The following KCNA2 variants were observed in gnomAD, a reference collection of about 807,000 sequenced individuals.
KCNA2 encodes potassium voltage-gated channel subfamily A member 2.
A neutral mutation model predicts 33.4 loss-of-function variants in KCNA2; 11 were observed. The observed-to-expected ratio is 0.33, with a 90% CI of 0.21 to 0.55. KCNA2 has a LOEUF of 0.55. Among genes scored for constraint, KCNA2 ranks in the 20% least tolerant of loss-of-function variants. The pLI is 0.93. For synonymous variants in KCNA2, 222 were observed against 231.3 expected, an observed-to-expected ratio of 0.96 and a Z score of 0.37; for missense variants, 291 against 621.6, an observed-to-expected ratio of 0.47 and a Z score of 5.66.
chr1:110,606,362 C>A (rs1410157271), upstream of KCNA2: 1 of 152,236 alleles, frequency 6.6e-6, no homozygotes, highest in Non-Finnish European at 1.5e-5. Context: ...ACAGAATAAA[C>A]GCTCCGCCTG....
chr1:110,628,030 C>G (rs974888501), intron 1 of KCNA2, among the ~76,000 whole-genome samples: 1 of 152,176 alleles, frequency 6.6e-6, no homozygotes, highest in Non-Finnish European at 1.5e-5. Context: ...TTCTTGAATT[C>G]ACTAAGATAT....
Position 110,602,958 on chromosome 1 carries a change from A to G in KCNA2, c.*325T>C. 9.1e-7 allele frequency: 1 copy of G among 1,099,518 alleles called. No homozygotes were observed. The highest frequency in any genetic ancestry group is 1.1e-6 in the Non-Finnish European group (1 of 903,926). 68.1% of individuals were successfully genotyped at this position (1,099,518 alleles called of 1,614,324 possible). The stretch of plus-strand genomic sequence containing the variant: ...AGTGCATCTCTTGGATGTTGTGTGC[A>G]TTTCATTAGGAAGGAATGATGGCAC... On this transcript the variant is annotated 3_prime_UTR_variant, in exon 3 of 3. Transcript: ENST00000316361.
chr1:110,615,826 C>T (rs977183602), intron 1 of KCNA2, among the ~76,000 whole-genome samples: 1 of 152,104 alleles, frequency 6.6e-6, no homozygotes, highest in Non-Finnish European at 1.5e-5. Context: ...GACAGAGGGT[C>T]GGGGCGCCTG....
Position 110,596,077 on chromosome 1 carries a change from C to A in KCNA2, c.*7206G>T. Reference sequence around the variant, plus strand: ...CTTTTATCCCTGAGTCAGGCAGCCACCTGGGAGGGAAAGGAAAGAGGTGAT... The same window carrying A: ...CTTTTATCCCTGAGTCAGGCAGCCAACTGGGAGGGAAAGGAAAGAGGTGAT... On this transcript the variant is annotated 3_prime_UTR_variant, in exon 3 of 3. Coordinates refer to ENST00000316361, the MANE Select transcript of KCNA2 (RefSeq NM_004974.4). 2 of 985,262 alleles carry A rather than the reference C, an allele frequency of 2.0e-6. No individual in the cohort carries two copies. Among genetic ancestry groups the A allele is most frequent in the Non-Finnish European group, 2.4e-6 (2 of 829,896 alleles). 61.0% of individuals were successfully genotyped at this position (985,262 alleles called of 1,614,324 possible).
intron 1 of KCNA2, among the ~76,000 whole-genome samples, chr1:110,631,210 A>G (rs1174031419): frequency 6.6e-6 from 1 of 152,060 alleles, no homozygotes; most frequent in Non-Finnish European, 1.5e-5. Context: ...GTTGCTTTTC[A>G]TGAAGGTGTC....
At chr1:110,619,738 T>C (rs1310785109) in intron 1 of KCNA2, among the ~76,000 whole-genome samples, 1 of 152,208 alleles carries the variant, frequency 6.6e-6, no homozygotes, top group African/African-American at 2.4e-5. Context: ...TTTGATATTT[T>C]TCGCCACCTA....
In KCNA2 at chr1:110,606,150, A is replaced by ACT. The variant is rs917511103; in HGVS notation, c.-496+77_-496+78insAG. ...GAAAAGAAGCACCCCACCCCCCAGC[A>ACT]CACACACTCCTTCAGAGCGCATCTA... On this transcript the variant is annotated intron_variant, in intron 1 of 2. Transcript: ENST00000316361. 2.1e-5 allele frequency: 3 copies of ACT among 143,464 alleles called. No individual in the cohort carries two copies. In the Admixed American group the frequency reaches 2.2e-4, roughly 11 times the overall value. The allele number at this position is 143,464 out of a possible 1,614,324, so 8.9% of individuals were successfully genotyped here.
In KCNA2 at chr1:110,601,038, C is replaced by T; in HGVS notation, c.*2245G>A. 1 of 985,430 alleles carries T rather than the reference C, an allele frequency of 1.0e-6. No homozygotes were observed. Among genetic ancestry groups the T allele is most frequent in the Non-Finnish European group, 1.2e-6 (1 of 829,950 alleles). The allele number at this position is 985,430 out of a possible 1,614,324, so 61.0% of individuals were successfully genotyped here. Reference sequence around the variant, plus strand: ...CGCCCAGTCTGGTGAGTTAAAAGCCCCCTACCTGAAGCCATTTCAGGGTCA... The same window carrying T: ...CGCCCAGTCTGGTGAGTTAAAAGCCTCCTACCTGAAGCCATTTCAGGGTCA... On this transcript the variant is annotated 3_prime_UTR_variant, in exon 3 of 3. Transcript: ENST00000316361.
chr1:110,594,122 G>A lies in KCNA2; in HGVS notation c.*9161C>T. On this transcript the variant is annotated 3_prime_UTR_variant, in exon 3 of 3. Transcript: ENST00000316361. ...GAGTTCCTTCTGCTATTGATCCCAA[G>A]GAGGCTTATTTATCTACCTCTTTGA... is the stretch of plus-strand genomic sequence containing the variant. The A allele has an allele frequency of 7.2e-7, 1 of 1,386,044 alleles. No individual in the cohort carries two copies. The highest frequency in any genetic ancestry group is 9.3e-7 in the Non-Finnish European group (1 of 1,075,056). The allele number at this position is 1,386,044 out of a possible 1,614,324, so 85.9% of individuals were successfully genotyped here. A position where few individuals can be genotyped will look rare whatever the true frequency, so the allele number is the denominator to read the frequency against.
In KCNA2 at chr1:110,611,779, C is replaced by G. The variant is rs902377332; in HGVS notation, c.-495-6057G>C. The stretch of plus-strand genomic sequence containing the variant: ...GGTCCATGCCTGTAATTCTAACACT[C>G]TGGGAGGTTGAGGAAAGTGGATTGT... On this transcript the variant is annotated intron_variant, in intron 1 of 4. Coordinates refer to the KCNA2 transcript ENST00000369770. Among the ~76,000 whole-genome samples, 4 of 150,632 alleles carry G rather than the reference C, an allele frequency of 2.7e-5. No homozygotes were observed. The East Asian group carries it at 5.9e-4, about 22-fold the overall frequency.
chr1:110,604,465 T>C lies in KCNA2; in HGVS notation c.318A>G (p.Leu106=), dbSNP rs763135225. 8.1e-6 allele frequency: 13 copies of C among 1,614,064 alleles called. No individual in the cohort carries two copies. In the African/African-American group the frequency reaches 1.6e-4, roughly 20 times the overall value. The change falls in exon 3 of 3, where the codon TTA becomes TTG. Residue 106 remains leucine (L), a synonymous_variant. Transcript: ENST00000316361. The surrounding 1 kb of genome is among the most constrained non-coding windows in gnomAD (Gnocchi z 7.6). ...GRLRRPVNVP[L]DIFSEEIRFY... ...ACCGAATTTCTTCAGAGAATATATCTAAGGGCACATTCACAGGTCGCCTCA... is the reference window on the plus strand; with the variant it reads ...ACCGAATTTCTTCAGAGAATATATCCAAGGGCACATTCACAGGTCGCCTCA...
At position 110,598,384 on chromosome 1, in the gene KCNA2, A is replaced by C. The variant is rs1191388103; in HGVS notation, c.*4899T>G. ...ATATGCAATTTGCACACTGTTCTAT[A>C]GTTTCCTTAGGGGGGAGTCAGCCTC... On this transcript the variant is annotated 3_prime_UTR_variant, in exon 3 of 3. Transcript: ENST00000316361. 1.0e-6 allele frequency: 1 copy of C among 985,214 alleles called. No individual in the cohort carries two copies. The highest frequency in any genetic ancestry group is 6.2e-5 in the Admixed American group (1 of 16,244). 61.0% of individuals were successfully genotyped at this position (985,214 alleles called of 1,614,324 possible). A position where few individuals can be genotyped will look rare whatever the true frequency, so the allele number is the denominator to read the frequency against.
chr1:110,611,068 G>GGAAGGAAA (rs1649855719), upstream of KCNA2, among the ~76,000 whole-genome samples: 1 of 146,776 alleles, frequency 6.8e-6, no homozygotes, highest in Non-Finnish European at 1.5e-5. Flanking sequence ...AAGGAAGGAA[G>GGAAGGAAA]GAAAGGGACC....
At position 110,601,752 on chromosome 1, in the gene KCNA2, TCCTGAA is replaced by T. The variant is rs1224449856; in HGVS notation, c.*1525_*1530del. The T allele has an allele frequency of 5.9e-5, 70 of 1,189,120 alleles. 1 individual carries two copies. Among genetic ancestry groups the T allele is most frequent in the Non-Finnish European group, 6.9e-5 (66 of 963,500 alleles). The allele number at this position is 1,189,120 out of a possible 1,614,324, so 73.7% of individuals were successfully genotyped here. A position where few individuals can be genotyped will look rare whatever the true frequency, so the allele number is the denominator to read the frequency against. On this transcript the variant is annotated 3_prime_UTR_variant, in exon 3 of 3. Coordinates refer to ENST00000316361, the MANE Select transcript of KCNA2 (RefSeq NM_004974.4). ...CCAACCCACCAAGCAGTGGATTTGC[TCCTGAA>T]CCTGAACTCCAGAAAATGAATATAT... is the stretch of plus-strand genomic sequence containing the variant.
intron 1 of KCNA2, among the ~76,000 whole-genome samples, chr1:110,629,791 A>G (rs11102140): frequency 0.14 from 21,626 of 152,156 alleles, 1,978 homozygotes; most frequent in East Asian, 0.25. Flanking sequence ...ACAGAAATGT[A>G]TGGTATTGGC....
Position 110,600,814 on chromosome 1 carries a change from G to A in KCNA2, c.*2469C>T. 1 of 985,436 alleles carries A rather than the reference G, an allele frequency of 1.0e-6. No individual in the cohort carries two copies. The highest frequency in any genetic ancestry group is 1.2e-6 in the Non-Finnish European group (1 of 829,938). 61.0% of individuals were successfully genotyped at this position (985,436 alleles called of 1,614,324 possible). On this transcript the variant is annotated 3_prime_UTR_variant, in exon 3 of 3. Coordinates refer to ENST00000316361, the MANE Select transcript of KCNA2 (RefSeq NM_004974.4). ...CTTTGTGCTGGGCATGGGATGCCCT[G>A]CAGATACCTGGGGATGTGGGTGACC...
In KCNA2 at chr1:110,604,914, T is replaced by A. The variant is rs1441478352; in HGVS notation, c.-132A>T. On this transcript the variant is annotated 5_prime_UTR_variant, in exon 3 of 3. Transcript: ENST00000316361. The surrounding 1 kb of genome is among the most constrained non-coding windows in gnomAD (Gnocchi z 7.6). The stretch of plus-strand genomic sequence containing the variant: ...TCTCCTGCAGGAGAGCCCCGAGAGC[T>A]CTCTGAGAGCTGGAGAGACAGCCTC... 1.6e-5 allele frequency: 13 copies of A among 817,768 alleles called. No individual in the cohort carries two copies. In the African/African-American group the frequency reaches 2.2e-4, roughly 14 times the overall value. 50.7% of individuals were successfully genotyped at this position (817,768 alleles called of 1,614,324 possible).
chr1:110,607,521 C>T (rs1239651036), upstream of KCNA2: 2 of 149,588 alleles, frequency 1.3e-5, no homozygotes, highest in East Asian at 4.1e-4. Context: ...CGCCACCGAG[C>T]TCGTCACCTC....
chr1:110,606,352 A>G lies in KCNA2; in HGVS notation c.-620T>C, dbSNP rs1032403242. On this transcript the variant is annotated 5_prime_UTR_variant, in exon 1 of 3. Coordinates refer to ENST00000316361, the MANE Select transcript of KCNA2 (RefSeq NM_004974.4). Reference sequence around the variant, plus strand: ...CCCTCACATCTCCTCGGCAGGGAGCACAGAATAAACGCTCCGCCTGCCTAG... The same window carrying G: ...CCCTCACATCTCCTCGGCAGGGAGCGCAGAATAAACGCTCCGCCTGCCTAG... The G allele has an allele frequency of 6.6e-6, 1 of 152,186 alleles. No homozygotes were observed. Among genetic ancestry groups the G allele is most frequent in the African/African-American group, 2.4e-5 (1 of 41,452 alleles). 9.4% of individuals were successfully genotyped at this position (152,186 alleles called of 1,614,324 possible).
Sources: allele counts gnomAD v4.1 joint callset (sites outside exome capture counted in the v4.1 genomes callset), GRCh38; gene constraint gnomAD v4.1.1; non-coding constraint Gnocchi (gnomAD v3.1); transcripts MANE v1.5; gene names NCBI Gene and HGNC (gene_info 2026-07-23, HGNC 2026-07-21).